The following LINGO2 variants were observed in gnomAD, a reference collection of about 807,000 sequenced individuals.
LINGO2 encodes the protein leucine-rich repeat and immunoglobulin-like domain-containing nogo receptor-interacting protein 2.
In LINGO2, 14 loss-of-function variants were observed where a neutral mutation model predicts 30.6. That is an observed-to-expected ratio of 0.46 (90% CI 0.30 to 0.72). The LOEUF (loss-of-function observed/expected upper bound fraction) is 0.72. Among genes scored for constraint, LINGO2 ranks in the 30% least tolerant of loss-of-function variants. The pLI is 0.07. For synonymous variants in LINGO2, 317 were observed against 288.5 expected (o/e 1.10, Z -1.00); for missense variants, 729 against 751.7 (o/e 0.97, Z 0.35).
At chr9:28,233,061 T>TATATATATAATATATATATATATATATAA (rs60875467) in intron 4 of LINGO2, among the ~76,000 whole-genome samples, 1 of 118,830 alleles carries the variant, frequency 8.4e-6, no homozygotes, top group African/African-American at 3.6e-5. Context: ...TATATATATA[T>TATATATATAATATATATATATATATATAA]TAGATATATA....
At chr9:28,274,409 G>A (rs4291351) in intron 4 of LINGO2, among the ~76,000 whole-genome samples, 8,472 of 152,230 alleles carry the variant, frequency 0.056, 288 homozygotes, top group East Asian at 0.17. Context: ...AGATATATTT[G>A]ATAGCATATT....
chr9:29,076,581 CAT>C, the LINGO2 span, among the ~76,000 whole-genome samples: 28,838 of 146,022 alleles, frequency 0.2, 2,972 homozygotes, highest in African/African-American at 0.24. Context: ...AAGCATATTA[CAT>C]ATATATATAT....
chr9:28,724,193 T>C, the LINGO2 span, among the ~76,000 whole-genome samples: 1 of 152,120 alleles, frequency 6.6e-6, no homozygotes, highest in Non-Finnish European at 1.5e-5. Context: ...CATAATAATA[T>C]AAACCACTGT....
intron 3 of LINGO2, among the ~76,000 whole-genome samples, chr9:28,364,725 GAA>G (rs1444152917): frequency 6.6e-6 from 1 of 152,132 alleles, no homozygotes; most frequent in Non-Finnish European, 1.5e-5. Context: ...AATTCAACAA[GAA>G]AAGAGTCTAT....
the LINGO2 span, among the ~76,000 whole-genome samples, chr9:29,052,160 G>T: frequency 6.6e-6 from 1 of 152,048 alleles, no homozygotes; most frequent in South Asian, 2.1e-4. Flanking sequence ...CTCAACTACG[G>T]AAAATTAATC....
the LINGO2 span, among the ~76,000 whole-genome samples, chr9:29,151,344 A>G: frequency 6.6e-6 from 1 of 152,170 alleles, no homozygotes; most frequent in African/African-American, 2.4e-5. Context: ...AGCAACTATA[A>G]AATAAAGTCT....
chr9:28,742,001 T>A, the LINGO2 span, among the ~76,000 whole-genome samples: 1 of 151,740 alleles, frequency 6.6e-6, no homozygotes, highest in African/African-American at 2.4e-5. Context: ...CTTCAGGGCA[T>A]GTCTTGAGCC....
Position 28,012,858 on chromosome 9 carries a change from C to G in LINGO2, c.-86-453G>C, listed in dbSNP as rs7036121. Among the ~76,000 whole-genome samples, 769 of 152,092 alleles carry G rather than the reference C, an allele frequency of 5.1e-3. 5 individuals are homozygous for G. Among genetic ancestry groups the G allele is most frequent in the African/African-American group, 0.017 (721 of 41,406 alleles). ...ATCTGAAATTGACTATTAAAAGAAA[C>G]ACCACCTTCTCTAAATTCCTGTTTG... On this transcript the variant is annotated intron_variant, in intron 4 of 5. Transcript: ENST00000379992.
the LINGO2 span, among the ~76,000 whole-genome samples, chr9:29,066,287 C>T: frequency 2.0e-5 from 3 of 151,956 alleles, no homozygotes; most frequent in Non-Finnish European, 2.9e-5. Context: ...AGTGATACGT[C>T]GCAAGAGAAG....
intron 3 of LINGO2, among the ~76,000 whole-genome samples, chr9:28,363,875 G>A (rs1037768270): frequency 1.3e-5 from 2 of 151,502 alleles, no homozygotes; most frequent in African/African-American, 2.4e-5. Context: ...GTATGTTCTC[G>A]GCATTACCTT....
chr9:28,215,648 T>A (rs191886751), intron 4 of LINGO2, among the ~76,000 whole-genome samples: 2 of 150,080 alleles, frequency 1.3e-5, no homozygotes, highest in African/African-American at 4.8e-5. Context: ...GTTGTGCATG[T>A]GTCTTTGTGT....
chr9:28,611,748 ATG>A (rs928289837), intron 1 of LINGO2, among the ~76,000 whole-genome samples: 3 of 151,580 alleles, frequency 2.0e-5, no homozygotes, highest in East Asian at 3.9e-4. Flanking sequence ...TTCATTGCAT[ATG>A]TGTGTGTGTC....
At chr9:28,781,299 G>T in the LINGO2 span, among the ~76,000 whole-genome samples, 3 of 152,056 alleles carry the variant, frequency 2.0e-5, no homozygotes, top group African/African-American at 2.4e-5. Flanking sequence ...GACTTTAGAA[G>T]AAATTTCTAG....
the LINGO2 span, among the ~76,000 whole-genome samples, chr9:28,887,636 C>A: frequency 6.6e-6 from 1 of 152,030 alleles, no homozygotes; most frequent in Non-Finnish European, 1.5e-5. Context: ...TGTTTTATCT[C>A]AGCCACATCC....
chr9:28,287,846 GCT>G lies in LINGO2; in HGVS notation c.-87+7360_-87+7361del, dbSNP rs1223444204. ...CACTGCTGTGACAAAAAACACACAA[GCT>G]CTTTTCATCCTTTGTATGAAGGGTT... On this transcript the variant is annotated intron_variant, in intron 4 of 5. Transcript: ENST00000379992. Among the ~76,000 whole-genome samples the G allele has an allele frequency of 2.9e-3, 436 of 152,260 alleles. 3 individuals are homozygous for G. The highest frequency in any genetic ancestry group is 0.01 in the African/African-American group (418 of 41,552).
intron 5 of LINGO2, among the ~76,000 whole-genome samples, chr9:27,997,910 CT>C (rs1383015914): frequency 1.3e-5 from 1 of 77,412 alleles, no homozygotes; most frequent in Admixed American, 2.2e-4. Context: ...ACTGGTGCAT[CT>C]TTTAAATGGG....
chr9:28,175,263 A>G (rs1331122404), intron 4 of LINGO2, among the ~76,000 whole-genome samples: 1 of 152,058 alleles, frequency 6.6e-6, no homozygotes, highest in East Asian at 1.9e-4. Flanking sequence ...AGGCACCCAC[A>G]AACTTTCTCA....
the LINGO2 span, among the ~76,000 whole-genome samples, chr9:28,704,195 T>TAATTTCACTGGTTATA: frequency 0.27 from 40,633 of 151,674 alleles, 5,935 homozygotes; most frequent in African/African-American, 0.38. Flanking sequence ...TTTTGAAGGG[T>TAATTTCACTGGTTATA]GAATTCTAGG....
intron 5 of LINGO2, among the ~76,000 whole-genome samples, chr9:28,006,355 C>G (rs2119197275): frequency 6.6e-6 from 1 of 151,900 alleles, no homozygotes; most frequent in East Asian, 1.9e-4. Flanking sequence ...TACCAGAGAT[C>G]AAAATAGTGG....
Sources: allele counts gnomAD v4.1 joint callset (sites outside exome capture counted in the v4.1 genomes callset), GRCh38; gene constraint gnomAD v4.1.1; transcripts MANE v1.5; gene names NCBI Gene and HGNC (gene_info 2026-07-23, HGNC 2026-07-21).